The following TMOD3 variants were observed in gnomAD, a reference collection of about 807,000 sequenced individuals.
TMOD3 encodes the protein tropomodulin-3.
In TMOD3, 20 loss-of-function variants were observed where a neutral mutation model predicts 39.2. The observed-to-expected ratio is 0.51, with a 90% confidence interval of 0.36 to 0.74. The LOEUF (loss-of-function observed/expected upper bound fraction) is 0.74, where lower values mean the gene tolerates loss of function less well. Among genes scored for constraint, TMOD3 ranks in the 30% least tolerant of loss-of-function variants. TMOD3 has a pLI of 0.00. For synonymous variants in TMOD3, 143 were observed against 145.8 expected, an observed-to-expected ratio of 0.98 and a Z score of 0.14; for missense variants, 381 against 412.8, an observed-to-expected ratio of 0.92 and a Z score of 0.67.
chr15:51,842,413 G>T (rs769471840), intron 1 of TMOD3, among the ~76,000 whole-genome samples: 1 of 152,146 alleles, frequency 6.6e-6, no homozygotes, highest in Non-Finnish European at 1.5e-5. Context: ...TTCCTAGCAA[G>T]CCCTCTTCAG....
At chr15:51,833,922 G>A (rs894135570) in intron 1 of TMOD3, among the ~76,000 whole-genome samples, 5 of 152,132 alleles carry the variant, frequency 3.3e-5, no homozygotes, top group East Asian at 1.9e-4. Flanking sequence ...TACTTGCTCC[G>A]TATTTTTAGT....
intron 1 of TMOD3, among the ~76,000 whole-genome samples, chr15:51,831,826 G>A (rs959465739): frequency 6.7e-6 from 1 of 150,088 alleles, no homozygotes; most frequent in African/African-American, 2.5e-5. Context: ...TCAAGTATGT[G>A]TCTTGCCCCA....
chr15:51,900,960 A>G (rs1415331445), intron 8 of TMOD3: 1 of 152,146 alleles, frequency 6.6e-6, no homozygotes, highest in Non-Finnish European at 1.5e-5. Flanking sequence ...GAACATTTTC[A>G]TTACCCCAAA....
intron 7 of TMOD3, among the ~76,000 whole-genome samples, chr15:51,897,795 A>AC (rs977350516): frequency 9.9e-5 from 15 of 151,020 alleles, no homozygotes; most frequent in African/African-American, 2.4e-4. Flanking sequence ...AAAAAAAAAA[A>AC]AAACAAAAAA....
chr15:51,912,626 T>TG lies in TMOD3; in HGVS notation c.*3817dup, dbSNP rs2056717389. ...GAACCACTGTTAACCTCCCAGCAGATGCAAGGATCATGCTTTCTCTGGAGT... is the reference window on the plus strand; with the variant it reads ...GAACCACTGTTAACCTCCCAGCAGATGGCAAGGATCATGCTTTCTCTGGAGT... On this transcript the variant is annotated 3_prime_UTR_variant, in exon 10 of 10. Transcript: ENST00000308580. 6.6e-6 allele frequency: 1 copy of TG among 152,178 alleles called. No homozygotes were observed. 9.4% of individuals were successfully genotyped at this position (152,178 alleles called of 1,614,324 possible).
chr15:51,908,593 G>A (rs1446437083), intron 9 of TMOD3, among the ~76,000 whole-genome samples, 183 bp from the exon 10 acceptor site: 1 of 150,804 alleles, frequency 6.6e-6, no homozygotes, highest in Non-Finnish European at 1.5e-5. Flanking sequence ...TGACAGTGGT[G>A]AATGATGGGA....
intron 5 of TMOD3, among the ~76,000 whole-genome samples, chr15:51,891,903 C>A (rs1281556242): frequency 6.6e-6 from 1 of 152,200 alleles, no homozygotes; most frequent in Non-Finnish European, 1.5e-5. Flanking sequence ...CGCAGCCTCT[C>A]AGAACAGCAC....
intron 3 of TMOD3, chr15:51,884,553 T>C (rs549538073): frequency 1.3e-5 from 2 of 152,290 alleles, no homozygotes; most frequent in South Asian, 2.1e-4. Flanking sequence ...AGTTGACAAT[T>C]GAGGCTGGTC....
chr15:51,878,685 T>TATAC, intron 3 of TMOD3, among the ~76,000 whole-genome samples: 1 of 152,176 alleles, frequency 6.6e-6, no homozygotes, highest in East Asian at 1.9e-4. Context: ...AGGTGTTGTG[T>TATAC]GTATCATTGG....
intron 3 of TMOD3, among the ~76,000 whole-genome samples, chr15:51,874,855 G>C (rs750425320): frequency 1.3e-5 from 2 of 152,036 alleles, no homozygotes; most frequent in Admixed American, 1.3e-4. Flanking sequence ...TTGAGCTGCT[G>C]ACTCACCCGG....
intron 1 of TMOD3, among the ~76,000 whole-genome samples, chr15:51,861,779 T>C (rs2056420410): frequency 6.6e-6 from 1 of 151,474 alleles, no homozygotes; most frequent in African/African-American, 2.4e-5. Context: ...CATCTCAGCC[T>C]CCTGAGTAGC....
intron 9 of TMOD3, among the ~76,000 whole-genome samples, chr15:51,905,644 C>G (rs1437935667): frequency 1.3e-5 from 2 of 152,128 alleles, no homozygotes. Context: ...ACTTCAAAAA[C>G]AAAAACTGCT....
intron 3 of TMOD3, among the ~76,000 whole-genome samples, chr15:51,882,778 G>C (rs1322978422): frequency 6.6e-6 from 1 of 151,410 alleles, no homozygotes; most frequent in Non-Finnish European, 1.5e-5. Flanking sequence ...GCTATTCTGG[G>C]TTTCCATGTG....
chr15:51,865,090 G>A (rs964375050), intron 2 of TMOD3, among the ~76,000 whole-genome samples: 5 of 152,064 alleles, frequency 3.3e-5, no homozygotes, highest in Admixed American at 2.0e-4. Context: ...GGGCTCAAGC[G>A]ATCCTCCCAC....
intron 3 of TMOD3, among the ~76,000 whole-genome samples, chr15:51,878,378 G>A (rs202045368): frequency 5.7e-4 from 55 of 95,778 alleles, no homozygotes; most frequent in African/African-American, 2.9e-3. Context: ...TAAAATATAT[G>A]TGTGTGTGTG....
At chr15:51,852,489 T>C (rs1295495990) in intron 1 of TMOD3, among the ~76,000 whole-genome samples, 1 of 152,162 alleles carries the variant, frequency 6.6e-6, no homozygotes, top group Non-Finnish European at 1.5e-5. Context: ...AGATTTTTTG[T>C]TTTGTTTTTA....
At chr15:51,858,493 C>G (rs540080750) in intron 1 of TMOD3, 1 of 151,624 alleles carries the variant, frequency 6.6e-6, no homozygotes, top group Non-Finnish European at 1.5e-5. Flanking sequence ...CAGGTATACA[C>G]CAGACCTGTT....
At chr15:51,904,915 C>G (rs553444533) in intron 9 of TMOD3, among the ~76,000 whole-genome samples, 2 of 152,154 alleles carry the variant, frequency 1.3e-5, no homozygotes, top group African/African-American at 2.4e-5. Flanking sequence ...AAAGCAGAAG[C>G]GAGAGAAAGC....
intron 1 of TMOD3, among the ~76,000 whole-genome samples, chr15:51,849,701 C>G (rs2056351767): frequency 6.6e-6 from 1 of 152,114 alleles, no homozygotes; most frequent in Non-Finnish European, 1.5e-5. Context: ...GAGGCCAAGG[C>G]AGGTGGATCA....
Sources: allele counts gnomAD v4.1 joint callset (sites outside exome capture counted in the v4.1 genomes callset), GRCh38; gene constraint gnomAD v4.1.1; transcripts MANE v1.5; gene names NCBI Gene and HGNC (gene_info 2026-07-23, HGNC 2026-07-21).